The following CLTC variants were observed in gnomAD, a reference collection of about 807,000 sequenced individuals.
The protein encoded by CLTC is clathrin heavy chain, also known as clathrin heavy chain 1.
CLTC carries 16 observed loss-of-function variants against 195.8 expected under a neutral mutation model. The ratio of observed to expected loss-of-function variants is 0.08; its 90% CI spans 0.06 to 0.12. CLTC has a LOEUF of 0.12. Among genes scored for constraint, CLTC ranks in the 10% least tolerant of loss-of-function variants. CLTC has a pLI of 1.00. For synonymous variants in CLTC, 667 were observed against 689.4 expected (o/e 0.97, Z 0.51); for missense variants, 796 against 2,027.0 (o/e 0.39, Z 11.66).
At chr17:59,658,198 G>A (rs747086738) in intron 6 of CLTC, among the ~76,000 whole-genome samples, 23 of 151,826 alleles carry the variant, frequency 1.5e-4, no homozygotes, top group African/African-American at 5.3e-4. Flanking sequence ...GCGAGACTCC[G>A]TCTCAAAAAA....
At chr17:59,679,110 GTACA>G (rs1374503233) in intron 17 of CLTC, among the ~76,000 whole-genome samples, 3 of 152,154 alleles carry the variant, frequency 2.0e-5, no homozygotes, top group Non-Finnish European at 4.4e-5. Context: ...GCTCATTTAT[GTACA>G]TACATGTGCA....
Position 59,685,322 on chromosome 17 carries a change from A to G in CLTC, c.4605+96A>G. On this transcript the variant is annotated intron_variant, in intron 29 of 31. Transcript: ENST00000269122. This position sits in a 1 kb window ranked among gnomAD's most constrained non-coding sequence, Gnocchi z 5.0. Reference sequence around the variant, plus strand: ...ATAAATAAAAGTATTGGTTTTGTGAATATGAGAGCTGACTTTAAGGCAATT... The same window carrying G: ...ATAAATAAAAGTATTGGTTTTGTGAGTATGAGAGCTGACTTTAAGGCAATT... 2 of 1,236,124 alleles carry G rather than the reference A, an allele frequency of 1.6e-6. No individual in the cohort carries two copies. The highest frequency in any genetic ancestry group is 2.2e-6 in the Non-Finnish European group (2 of 911,134). The allele number at this position is 1,236,124 out of a possible 1,614,324, so 76.6% of individuals were successfully genotyped here. A position where few individuals can be genotyped will look rare whatever the true frequency, so the allele number is the denominator to read the frequency against.
chr17:59,630,083 C>T (rs2031666871), intron 1 of CLTC, among the ~76,000 whole-genome samples: 1 of 152,028 alleles, frequency 6.6e-6, no homozygotes, highest in Admixed American at 6.5e-5. Flanking sequence ...TTACCACAGC[C>T]TCAACTTCCC....
chr17:59,658,973 C>CAG (rs1324739144), intron 6 of CLTC, among the ~76,000 whole-genome samples: 2 of 152,154 alleles, frequency 1.3e-5, no homozygotes, highest in Non-Finnish European at 2.9e-5. Flanking sequence ...ATTGGCAGGG[C>CAG]AGACTGTTAC....
At chr17:59,693,169 C>T (rs1029009838) in intron 31 of CLTC, among the ~76,000 whole-genome samples, 2 of 152,044 alleles carry the variant, frequency 1.3e-5, no homozygotes, top group Non-Finnish European at 2.9e-5. Flanking sequence ...GAGTTCAATA[C>T]CAGCCTGGCC....
Position 59,682,322 on chromosome 17 carries a change from G to A in CLTC, c.3494G>A (p.Arg1165Gln), listed in dbSNP as rs758426914. The change falls in exon 22 of 32, where the codon CGA becomes CAA. Residue 1165 changes from arginine (R) to glutamine (Q), a missense_variant. Arg to Gln is a conservative substitution (Grantham distance 43). This residue lies in a region of CLTC where 50 missense variants were observed against 77.2 expected (regional missense o/e 0.65). Coordinates refer to ENST00000269122, the MANE Select transcript of CLTC (RefSeq NM_004859.4). This position sits in a 1 kb window ranked among gnomAD's most constrained non-coding sequence, Gnocchi z 6.8. Reference protein sequence around the residue: ...KYLQMARKKARESYVETELIF... With the variant: ...KYLQMARKKAQESYVETELIF... ...TTGCAGATGGCCCGTAAGAAGGCTC[G>A]AGAGTCCTATGTGGAGACAGAACTG... The A allele has an allele frequency of 1.3e-5, 21 of 1,614,104 alleles. No individual in the cohort carries two copies. The highest frequency in any genetic ancestry group is 1.7e-5 in the Non-Finnish European group (20 of 1,179,972).
intron 1 of CLTC, among the ~76,000 whole-genome samples, chr17:59,628,385 C>A (rs2031612019): frequency 6.6e-6 from 1 of 152,052 alleles, no homozygotes; most frequent in African/African-American, 2.4e-5. Context: ...AATATTTAGC[C>A]CCTTAACCCC....
At chr17:59,676,570 G>C (rs1266804946) in intron 16 of CLTC, among the ~76,000 whole-genome samples, 2 of 152,196 alleles carry the variant, frequency 1.3e-5, no homozygotes, top group Non-Finnish European at 2.9e-5. Context: ...ATAAACCTGG[G>C]AGAGTGAAAA....
rs781191334 is a variant in CLTC, at chr17:59,668,841, T to C, written c.2193T>C (p.Tyr731=). 6.8e-6 allele frequency: 11 copies of C among 1,613,718 alleles called. No individual in the cohort carries two copies. Among genetic ancestry groups the C allele is most frequent in the Non-Finnish European group, 4.2e-6 (5 of 1,179,854 alleles). The part of the protein sequence containing the change: ...FSQDPDVHFK[Y]IQAACKTGQI... Reference sequence around the variant, plus strand: ...AGGACCCAGATGTGCACTTTAAATATATTCAGGCAGCTTGCAAGACTGGGC... The same window carrying C: ...AGGACCCAGATGTGCACTTTAAATACATTCAGGCAGCTTGCAAGACTGGGC... The change falls in exon 14 of 32, where the codon TAT becomes TAC. Residue 731 remains tyrosine, a synonymous_variant. Transcript: ENST00000269122.
At position 59,685,301 on chromosome 17, in the gene CLTC, A is replaced by G; in HGVS notation, c.4605+75A>G. On this transcript the variant is annotated intron_variant, in intron 29 of 31. Transcript: ENST00000269122. The surrounding 1 kb of genome is among the most constrained non-coding windows in gnomAD (Gnocchi z 5.0). Reference sequence around the variant, plus strand: ...TGTTACAAGTGATTATAATCTATAAATAAAAGTATTGGTTTTGTGAATATG... The same window carrying G: ...TGTTACAAGTGATTATAATCTATAAGTAAAAGTATTGGTTTTGTGAATATG... 1 of 1,376,274 alleles carries G rather than the reference A, an allele frequency of 7.3e-7. No individual in the cohort carries two copies. The highest frequency in any genetic ancestry group is 9.8e-7 in the Non-Finnish European group (1 of 1,023,238). 85.3% of individuals were successfully genotyped at this position (1,376,274 alleles called of 1,614,324 possible). A position where few individuals can be genotyped will look rare whatever the true frequency, so the allele number is the denominator to read the frequency against.
chr17:59,655,661 A>G (rs1598219426), intron 5 of CLTC, among the ~76,000 whole-genome samples, 193 bp from the exon 6 acceptor site: 1 of 152,356 alleles, frequency 6.6e-6, no homozygotes, highest in Non-Finnish European at 1.5e-5. Flanking sequence ...GTTTCATGTT[A>G]TATAAGAGCT....
chr17:59,692,642 T>C (rs1396869077), intron 31 of CLTC, among the ~76,000 whole-genome samples: 1 of 151,646 alleles, frequency 6.6e-6, no homozygotes, highest in Non-Finnish European at 1.5e-5. Flanking sequence ...TGAATATGTC[T>C]TTTTTTTTCC....
intron 1 of CLTC, among the ~76,000 whole-genome samples, chr17:59,641,117 CA>C (rs10667057): frequency 2.1e-5 from 3 of 145,440 alleles, no homozygotes; most frequent in African/African-American, 2.6e-5. Flanking sequence ...GACTCGGTTT[CA>C]AAAAAAAAAA....
intron 31 of CLTC, among the ~76,000 whole-genome samples, chr17:59,692,774 T>C (rs2033335893): frequency 6.6e-6 from 1 of 151,972 alleles, no homozygotes; most frequent in African/African-American, 2.4e-5. Context: ...GTAGCTGGGA[T>C]TATAAGCATG....
At chr17:59,629,675 C>T (rs1050192081) in intron 1 of CLTC, among the ~76,000 whole-genome samples, 2 of 151,930 alleles carry the variant, frequency 1.3e-5, no homozygotes, top group South Asian at 2.1e-4. Context: ...TGCCCGCCAC[C>T]ATGCCTGGCT....
chr17:59,684,119 T>C, intron 28 of CLTC, 134 bp downstream of exon 28: 1 of 607,210 alleles, frequency 1.6e-6, no homozygotes, highest in Non-Finnish European at 2.9e-6. Context: ...TTTAGTAAGA[T>C]TTCAGGATTG....
chr17:59,686,551 A>G (rs1312283585), intron 30 of CLTC, among the ~76,000 whole-genome samples: 1 of 152,148 alleles, frequency 6.6e-6, no homozygotes, highest in African/African-American at 2.4e-5. Flanking sequence ...CGCTACCAAC[A>G]ACCCCTCCCA....
intron 14 of CLTC, among the ~76,000 whole-genome samples, chr17:59,670,671 A>G (rs2032829283): frequency 6.6e-6 from 1 of 152,168 alleles, no homozygotes; most frequent in Non-Finnish European, 1.5e-5. Flanking sequence ...TGAGTTATAT[A>G]TATATGGAAA....
At chr17:59,671,737 C>G (rs977765105) in intron 14 of CLTC, among the ~76,000 whole-genome samples, 1 of 152,124 alleles carries the variant, frequency 6.6e-6, no homozygotes, top group Non-Finnish European at 1.5e-5. Context: ...GCTAGCTATT[C>G]CTGGAACTCC....
Sources: allele counts gnomAD v4.1 joint callset (sites outside exome capture counted in the v4.1 genomes callset), GRCh38; gene constraint gnomAD v4.1.1; regional missense constraint gnomAD v4.1.1; non-coding constraint Gnocchi (gnomAD v3.1); transcripts MANE v1.5; gene names NCBI Gene and HGNC (gene_info 2026-07-23, HGNC 2026-07-21).